TRIM54: variants seen among roughly 807,000 people sequenced by gnomAD.
The protein encoded by TRIM54 is tripartite motif-containing protein 54.
A neutral mutation model predicts 42.0 loss-of-function variants in TRIM54; 40 were observed. The ratio of observed to expected loss-of-function variants is 0.95; its 90% CI spans 0.74 to 1.24. TRIM54 has a LOEUF of 1.24. Among genes scored for constraint, TRIM54 ranks in the 50% most tolerant of loss-of-function variants. The probability of loss-of-function intolerance (pLI) is 0.00; values close to 1 mark genes in which losing one functional copy is unlikely to be tolerated. For synonymous variants in TRIM54, 199 were observed against 194.9 expected, an observed-to-expected ratio of 1.02 and a Z score of -0.17; for missense variants, 485 against 480.3, an observed-to-expected ratio of 1.01 and a Z score of -0.09.
intron 1 of TRIM54, among the ~76,000 whole-genome samples, chr2:27,295,246 G>A (rs1476359449): frequency 6.6e-6 from 1 of 151,776 alleles, no homozygotes; most frequent in Non-Finnish European, 1.5e-5. Context: ...AAGTTCTTGA[G>A]GAATAAATAC....
intron 1 of TRIM54, among the ~76,000 whole-genome samples, chr2:27,288,449 A>G (rs1678635782): frequency 1.3e-5 from 2 of 152,264 alleles, no homozygotes; most frequent in Non-Finnish European, 2.9e-5. Context: ...GGCACCGTAA[A>G]GCCTAAAAGA....
At chr2:27,292,579 A>G (rs1678749756) in intron 1 of TRIM54, among the ~76,000 whole-genome samples, 1 of 152,238 alleles carries the variant, frequency 6.6e-6, no homozygotes, top group East Asian at 1.9e-4. Flanking sequence ...CATGAAATGT[A>G]CCACCTTAAC....
chr2:27,294,348 T>G (rs1273667095), intron 1 of TRIM54, among the ~76,000 whole-genome samples: 2 of 152,018 alleles, frequency 1.3e-5, no homozygotes, highest in Non-Finnish European at 2.9e-5. Flanking sequence ...CTTGAACTCC[T>G]GCACTCAAGC....
chr2:27,306,370 GTT>G lies in TRIM54; in HGVS notation c.991+34_991+35del. On this transcript the variant is annotated intron_variant, in intron 7 of 8. Transcript: ENST00000380075. This position sits in a 1 kb window ranked among gnomAD's most constrained non-coding sequence, Gnocchi z 6.1. ...AGGTGGCCGAGGGCCGCTGAGACGGGTTCGGACCCTCTGTGTGGGGGGTGCGG... is the reference window on the plus strand; with the variant it reads ...AGGTGGCCGAGGGCCGCTGAGACGGGCGGACCCTCTGTGTGGGGGGTGCGG... The G allele has an allele frequency of 6.2e-7, 1 of 1,613,912 alleles. No individual in the cohort carries two copies. The highest frequency in any genetic ancestry group is 8.5e-7 in the Non-Finnish European group (1 of 1,179,894).
chr2:27,299,916 G>A (rs908846915), intron 3 of TRIM54, among the ~76,000 whole-genome samples: 14 of 150,014 alleles, frequency 9.3e-5, no homozygotes, highest in Middle Eastern at 3.6e-3. Flanking sequence ...CATGTGATCC[G>A]TCCACCTTGG....
At chr2:27,290,218 C>T (rs1205096947) in intron 1 of TRIM54, among the ~76,000 whole-genome samples, 1 of 152,014 alleles carries the variant, frequency 6.6e-6, no homozygotes, top group Non-Finnish European at 1.5e-5. Context: ...ATTAAAAAGT[C>T]TCCCAGAGGG....
rs755797866 is a variant in TRIM54, at chr2:27,306,318, G to A, written c.972G>A (p.Arg324=). 6.2e-7 allele frequency: 1 copy of A among 1,614,148 alleles called. No individual in the cohort carries two copies. The highest frequency in any genetic ancestry group is 8.5e-7 in the Non-Finnish European group (1 of 1,180,000). The change falls in exon 7 of 9, where the codon CGG becomes CGA. Residue 324 remains arginine, a synonymous_variant. Coordinates refer to ENST00000380075, the MANE Select transcript of TRIM54 (RefSeq NM_187841.3). The surrounding 1 kb of genome is among the most constrained non-coding windows in gnomAD (Gnocchi z 6.1). ...TGGAGCACGTGGCCGAAATGCTGCG[G>A]ACCATCGACTTCCAGCCAGGTGAAG... ...VRVEHVAEML[R]TIDFQPGASG...
At chr2:27,293,739 C>T (rs746293542) in intron 1 of TRIM54, among the ~76,000 whole-genome samples, 10 of 152,092 alleles carry the variant, frequency 6.6e-5, no homozygotes, top group Non-Finnish European at 1.2e-4. Context: ...AAACAAAAAA[C>T]GGCCAGGTGA....
In TRIM54 at chr2:27,299,050, C is replaced by T. The variant is rs139060486; in HGVS notation, c.342-195C>T. 1.0e-3 allele frequency among the ~76,000 whole-genome samples: 156 copies of T among 152,302 alleles called. 1 individual carries two copies. Among genetic ancestry groups the T allele is most frequent in the African/African-American group, 2.2e-3 (90 of 41,574 alleles). Reference sequence around the variant, plus strand: ...GCCCCCTTGTAATACAGACTGTTCTCGGATCCAGGCCTCCTCTATCTCTTA... The same window carrying T: ...GCCCCCTTGTAATACAGACTGTTCTTGGATCCAGGCCTCCTCTATCTCTTA... On this transcript the variant is annotated intron_variant, in intron 2 of 8. Transcript: ENST00000380075.
chr2:27,303,310 CTT>C (rs1022982972), intron 3 of TRIM54, among the ~76,000 whole-genome samples: 1 of 152,158 alleles, frequency 6.6e-6, no homozygotes, highest in African/African-American at 2.4e-5. Flanking sequence ...AATCTCAACA[CTT>C]TGGGAGGCCG....
At chr2:27,292,537 A>T (rs1678748358) in intron 1 of TRIM54, among the ~76,000 whole-genome samples, 1 of 152,190 alleles carries the variant, frequency 6.6e-6, no homozygotes, top group Non-Finnish European at 1.5e-5. Flanking sequence ...TGTCTCAAAA[A>T]ATTTTTTTTA....
chr2:27,285,715 G>C (rs1227038097), intron 1 of TRIM54, among the ~76,000 whole-genome samples: 1 of 152,138 alleles, frequency 6.6e-6, no homozygotes, highest in African/African-American at 2.4e-5. Context: ...CCACCATTCA[G>C]ATTTATGTCT....
intron 3 of TRIM54, among the ~76,000 whole-genome samples, chr2:27,301,135 CTT>C (rs35279593): frequency 1.6e-4 from 20 of 125,314 alleles, no homozygotes; most frequent in East Asian, 2.3e-4. Flanking sequence ...TGGTTGCCCT[CTT>C]TTTTTTTTTT....
chr2:27,285,660 C>A (rs1417556991), intron 1 of TRIM54, among the ~76,000 whole-genome samples: 1 of 152,190 alleles, frequency 6.6e-6, no homozygotes, highest in Non-Finnish European at 1.5e-5. Context: ...CATCGCCCCC[C>A]ACCTGCCTTT....
rs1236619094 is a variant in TRIM54 at position 27,283,020 on chromosome 2, T to C, written c.168+121T>C. Reference sequence around the variant, plus strand: ...AGTGCTCTCTGAGGTGGGTGGTGGCTGTTGTGGCTGGAGAGCAGAAGGGCT... The same window carrying C: ...AGTGCTCTCTGAGGTGGGTGGTGGCCGTTGTGGCTGGAGAGCAGAAGGGCT... On this transcript the variant is annotated intron_variant, in intron 1 of 8. Transcript: ENST00000380075. 10 of 1,157,570 alleles carry C rather than the reference T, an allele frequency of 8.6e-6. No individual in the cohort carries two copies. In the Admixed American group the frequency reaches 2.6e-4, roughly 30 times the overall value. The allele number at this position is 1,157,570 out of a possible 1,614,324, so 71.7% of individuals were successfully genotyped here. A position where few individuals can be genotyped will look rare whatever the true frequency, so the allele number is the denominator to read the frequency against.
In TRIM54 at chr2:27,282,764, AGG is replaced by A; in HGVS notation, c.36_37del (p.Asp13CysfsTer71). 1 of 1,612,476 alleles carries A rather than the reference AGG, an allele frequency of 6.2e-7. No individual in the cohort carries two copies. The highest frequency in any genetic ancestry group is 8.5e-7 in the Non-Finnish European group (1 of 1,179,220). ...TCACAGTGGGTTTCAAGCCGCTGCTAGGGGATGCACACAGCATGGACAACCTG... is the reference window on the plus strand; with the variant it reads ...TCACAGTGGGTTTCAAGCCGCTGCTAGGATGCACACAGCATGGACAACCTG... Reference protein sequence around the residue: ...NFTVGFKPLLGDAHSMDNLEK... With the variant: ...NFTVGFKPLLXDAHSMDNLEK... On this transcript the variant is annotated frameshift_variant, in exon 1 of 9. Coordinates refer to ENST00000380075, the MANE Select transcript of TRIM54 (RefSeq NM_187841.3). LOFTEE classifies it high-confidence loss of function.
At position 27,282,817 on chromosome 2, in the gene TRIM54, G is replaced by C; in HGVS notation, c.86G>C (p.Cys29Ser). 6.2e-7 allele frequency: 1 copy of C among 1,614,084 alleles called. No homozygotes were observed. Among genetic ancestry groups the C allele is most frequent in the Non-Finnish European group, 8.5e-7 (1 of 1,179,982 alleles). The change falls in exon 1 of 9, where the codon TGC (cysteine) becomes TCC (serine). Residue 29 changes from cysteine (C) to serine (S), a missense_variant. By Grantham distance (112) the Cys-to-Ser change is moderately radical. Transcript: ENST00000380075. ...NLEKQLICPI[C>S]LEMFSKPVVI... ...GAGAAGCAGCTCATCTGCCCCATCT[G>C]CCTGGAGATGTTCTCCAAACCAGTG...
Position 27,282,768 on chromosome 2 carries a change from G to T in TRIM54, c.37G>T (p.Asp13Tyr), listed in dbSNP as rs1678417572. Residue 13 changes from aspartate (D) to tyrosine (Y), a missense_variant, in exon 1 of 9, where the codon GAT becomes TAT. Coordinates refer to ENST00000380075, the MANE Select transcript of TRIM54 (RefSeq NM_187841.3). Reference protein sequence around the residue: ...FTVGFKPLLGDAHSMDNLEKQ... With the variant: ...FTVGFKPLLGYAHSMDNLEKQ... ...AGTGGGTTTCAAGCCGCTGCTAGGG[G>T]ATGCACACAGCATGGACAACCTGGA... The T allele has an allele frequency of 1.9e-6, 3 of 1,613,430 alleles. No individual in the cohort carries two copies. The highest frequency in any genetic ancestry group is 1.3e-5 in the African/African-American group (1 of 74,884).
rs749785170 is a variant in TRIM54, at chr2:27,305,818, G to C, written c.843+1G>C. On this transcript the variant is annotated splice_donor_variant, in intron 5 of 8. Transcript: ENST00000380075. LOFTEE classifies it high-confidence loss of function. Reference sequence around the variant, plus strand: ...GCCACAAATGGCGCTGTATCTCCAGGTGGGCTCTAGGGGAGGGTGGCAGCG... The same window carrying C: ...GCCACAAATGGCGCTGTATCTCCAGCTGGGCTCTAGGGGAGGGTGGCAGCG... The C allele has an allele frequency of 5.0e-6, 8 of 1,590,358 alleles. No homozygotes were observed. The South Asian group carries it at 9.1e-5, about 18-fold the overall frequency.
Sources: allele counts gnomAD v4.1 joint callset (sites outside exome capture counted in the v4.1 genomes callset), GRCh38; gene constraint gnomAD v4.1.1; non-coding constraint Gnocchi (gnomAD v3.1); transcripts MANE v1.5; gene names NCBI Gene and HGNC (gene_info 2026-07-23, HGNC 2026-07-21).